AFTPH: variants seen among roughly 807,000 people sequenced by gnomAD.
AFTPH encodes aftiphilin.
AFTPH carries 7 observed loss-of-function variants against 72.5 expected under a neutral mutation model. That is an observed-to-expected ratio of 0.10 (90% CI 0.05 to 0.18). AFTPH has a LOEUF of 0.18. AFTPH is among the 10% of genes least tolerant of loss of function. The pLI is 1.00. For synonymous variants in AFTPH, 337 were observed against 370.1 expected, an observed-to-expected ratio of 0.91 and a Z score of 1.03; for missense variants, 979 against 1,060.5, an observed-to-expected ratio of 0.92 and a Z score of 1.07.
At chr2:64,526,363 T>A (rs184613767) in intron 1 of AFTPH, among the ~76,000 whole-genome samples, 1 of 152,330 alleles carries the variant, frequency 6.6e-6, no homozygotes, top group Non-Finnish European at 1.5e-5. Flanking sequence ...GCAGGCAAAG[T>A]CTTTGAATAG....
intron 1 of AFTPH, among the ~76,000 whole-genome samples, chr2:64,525,961 C>A (rs1669236932): frequency 6.6e-6 from 1 of 152,160 alleles, no homozygotes; most frequent in Non-Finnish European, 1.5e-5. Context: ...TCTAGTTGTT[C>A]CTCCGTGGAT....
chr2:64,546,225 T>C (rs998119351), intron 1 of AFTPH, among the ~76,000 whole-genome samples: 2 of 151,972 alleles, frequency 1.3e-5, no homozygotes, highest in Admixed American at 6.6e-5. Flanking sequence ...TTTAACAAAG[T>C]CTGCGAACAA....
intron 1 of AFTPH, among the ~76,000 whole-genome samples, chr2:64,547,875 T>C (rs963578440): frequency 6.6e-6 from 1 of 152,210 alleles, no homozygotes; most frequent in African/African-American, 2.4e-5. Context: ...AGCCTTGACT[T>C]CCTGGACCCA....
chr2:64,568,843 C>T (rs1380869487), intron 3 of AFTPH, among the ~76,000 whole-genome samples: 1 of 152,086 alleles, frequency 6.6e-6, no homozygotes, highest in Non-Finnish European at 1.5e-5. Flanking sequence ...AACTGCTGAC[C>T]TCAGGTGATC....
At chr2:64,524,373 G>A (rs1669114977) in exon 1 of AFTPH, 1 of 403,100 alleles carries the variant, frequency 2.5e-6, no homozygotes. Context: ...GGTCTCCGCG[G>A]AGGAGGTGGA....
exon 2 of AFTPH, chr2:64,551,694 A>G: frequency 6.2e-7 from 1 of 1,614,026 alleles, no homozygotes. Flanking sequence ...ATTCTCAGAA[A>G]ATGTAGATAG....
chr2:64,573,649 A>G (rs536879404), intron 6 of AFTPH, among the ~76,000 whole-genome samples: 4 of 152,282 alleles, frequency 2.6e-5, no homozygotes, highest in African/African-American at 9.6e-5. Flanking sequence ...TCTATGGATT[A>G]GGAAAATAGA....
chr2:64,581,441 G>A (rs774601804), intron 7 of AFTPH, among the ~76,000 whole-genome samples, 168 bp downstream of exon 8: 20 of 152,086 alleles, frequency 1.3e-4, no homozygotes, highest in Non-Finnish European at 2.9e-4. Context: ...ACAAAAAAAT[G>A]ACTTATGTAT....
chr2:64,578,217 T>C (rs910447053), intron 6 of AFTPH, among the ~76,000 whole-genome samples: 1 of 152,186 alleles, frequency 6.6e-6, no homozygotes, highest in Non-Finnish European at 1.5e-5. Flanking sequence ...TGATTCATGC[T>C]CCTTTTCTAT....
chr2:64,568,380 C>T (rs1477562138), intron 3 of AFTPH, among the ~76,000 whole-genome samples: 1 of 152,108 alleles, frequency 6.6e-6, no homozygotes, highest in East Asian at 1.9e-4. Flanking sequence ...CCTTTAAGAG[C>T]TTGTTCATAC....
intron 5 of AFTPH, among the ~76,000 whole-genome samples, chr2:64,570,030 C>T (rs560513320): frequency 6.6e-6 from 1 of 151,910 alleles, no homozygotes; most frequent in East Asian, 1.9e-4. Flanking sequence ...TATTTTAATC[C>T]AGTTATTAAT....
intron 8 of AFTPH, among the ~76,000 whole-genome samples, chr2:64,591,202 G>A (rs1673806475): frequency 6.6e-6 from 1 of 152,152 alleles, no homozygotes; most frequent in Non-Finnish European, 1.5e-5. Flanking sequence ...CCATATCGGG[G>A]GCCAGTGCAG....
At chr2:64,582,005 T>G (rs370153483) in intron 7 of AFTPH, among the ~76,000 whole-genome samples, 3 of 152,270 alleles carry the variant, frequency 2.0e-5, no homozygotes, top group Admixed American at 6.5e-5. Flanking sequence ...TAATGTACTT[T>G]GTCACTTTCT....
exon 1 of AFTPH, chr2:64,524,359 G>A (rs1379761573): frequency 7.5e-6 from 3 of 402,114 alleles, no homozygotes; most frequent in South Asian, 1.1e-4. Context: ...TGGAGTGGGC[G>A]GGGGGTCTCC....
intron 6 of AFTPH, among the ~76,000 whole-genome samples, chr2:64,574,514 C>T (rs966049921): frequency 6.6e-6 from 1 of 152,302 alleles, no homozygotes; most frequent in Admixed American, 6.5e-5. Flanking sequence ...GGAGTGGTAG[C>T]ACCTGCAGAA....
exon 2 of AFTPH, chr2:64,552,882 C>T (rs1341111988): frequency 1.2e-6 from 2 of 1,614,170 alleles, no homozygotes; most frequent in Non-Finnish European, 8.5e-7. Flanking sequence ...GCACTTTCCA[C>T]ATTTTAGTGA....
exon 3 of AFTPH, chr2:64,567,617 T>C (rs1672164331): frequency 6.2e-7 from 1 of 1,613,668 alleles, no homozygotes; most frequent in Non-Finnish European, 8.5e-7. Flanking sequence ...CCTTCCATAC[T>C]TGTCCCTGAT....
At chr2:64,579,435 G>T (rs771689359) in intron 6 of AFTPH, 51 bp from the exon 7 acceptor site, 11 of 1,418,300 alleles carry the variant, frequency 7.8e-6, no homozygotes, top group African/African-American at 2.9e-5. Context: ...GATTCTTTAC[G>T]TTGCTACAAC....
At chr2:64,544,112 G>C (rs1015219904) in intron 1 of AFTPH, among the ~76,000 whole-genome samples, 1 of 152,120 alleles carries the variant, frequency 6.6e-6, no homozygotes, top group South Asian at 2.1e-4. Context: ...CTGGTTCGTA[G>C]CCCTGAAAGT....
Sources: gnomAD v4.1 joint callset for allele counts (sites outside exome capture counted in the v4.1 genomes callset) on GRCh38, gnomAD v4.1.1 for gene constraint, MANE v1.5 for transcripts, NCBI Gene and HGNC (gene_info 2026-07-23, HGNC 2026-07-21) for gene names.